Variants in OSBP2 observed in about 807,000 individuals in gnomAD.
OSBP2 encodes oxysterol binding protein 2, also known as oxysterol-binding protein 2.
A neutral mutation model predicts 96.0 loss-of-function variants in OSBP2; 66 were observed. The observed-to-expected ratio is 0.69, with a 90% confidence interval of 0.56 to 0.84. The LOEUF (loss-of-function observed/expected upper bound fraction) is 0.84, where lower values mean the gene tolerates loss of function less well. Ranked by LOEUF, OSBP2 falls within the 40% of genes least tolerant of loss-of-function variation. The pLI is 0.00. For synonymous variants in OSBP2, 525 were observed against 520.9 expected, an observed-to-expected ratio of 1.01 and a Z score of -0.11; for missense variants, 1,038 against 1,222.7, an observed-to-expected ratio of 0.85 and a Z score of 2.25.
chr22:30,707,157 C>T (rs1452420049), intron 1 of OSBP2, among the ~76,000 whole-genome samples: 1 of 151,906 alleles, frequency 6.6e-6, no homozygotes, highest in Admixed American at 6.6e-5. Context: ...AGTGCAGTGG[C>T]GTGATCTCAG....
intron 3 of OSBP2, among the ~76,000 whole-genome samples, chr22:30,884,447 G>GCAC (rs2039767268): frequency 6.6e-6 from 1 of 152,184 alleles, no homozygotes; most frequent in African/African-American, 2.4e-5. Flanking sequence ...TCCTGATAGT[G>GCAC]CACCCCTGGC....
At chr22:30,736,864 C>A (rs952082474) in intron 1 of OSBP2, among the ~76,000 whole-genome samples, 31 of 152,068 alleles carry the variant, frequency 2.0e-4, no homozygotes, top group African/African-American at 4.8e-4. Context: ...AATATCTGTC[C>A]TCTTTCCCCC....
intron 2 of OSBP2, among the ~76,000 whole-genome samples, chr22:30,847,704 G>A (rs186839459): frequency 6.6e-6 from 1 of 152,094 alleles, no homozygotes; most frequent in East Asian, 1.9e-4. Context: ...TTATGAGTGA[G>A]TTTTGGTATG....
At chr22:30,873,606 C>A (rs1602394667) in intron 3 of OSBP2, among the ~76,000 whole-genome samples, 2 of 152,222 alleles carry the variant, frequency 1.3e-5, no homozygotes, top group Admixed American at 1.3e-4. Flanking sequence ...CACTCCCCAG[C>A]CCCATCCTGA....
chr22:30,778,303 GCACACACA>G (rs34574171), intron 2 of OSBP2, among the ~76,000 whole-genome samples: 62 of 146,630 alleles, frequency 4.2e-4, no homozygotes, highest in African/African-American at 1.5e-3. Context: ...GTGTGCATGT[GCACACACA>G]CACACACACA....
chr22:30,818,149 C>T (rs1323907754), intron 2 of OSBP2, among the ~76,000 whole-genome samples: 1 of 152,182 alleles, frequency 6.6e-6, no homozygotes, highest in African/African-American at 2.4e-5. Context: ...CTGCTCATCT[C>T]GGCCTCCCAA....
chr22:30,802,526 G>A (rs1379866063), intron 2 of OSBP2, among the ~76,000 whole-genome samples: 2 of 152,240 alleles, frequency 1.3e-5, no homozygotes, highest in African/African-American at 2.4e-5. Context: ...AGCCTCGATT[G>A]GGGCGCGATA....
At chr22:30,832,830 C>T (rs553285451) in intron 2 of OSBP2, among the ~76,000 whole-genome samples, 21 of 152,242 alleles carry the variant, frequency 1.4e-4, no homozygotes, top group African/African-American at 4.6e-4. Flanking sequence ...TGGGCAGTGG[C>T]GCACTGCAGG....
intron 12 of OSBP2, among the ~76,000 whole-genome samples, chr22:30,905,511 G>C (rs2040311679): frequency 6.6e-6 from 1 of 151,420 alleles, no homozygotes; most frequent in South Asian, 2.1e-4. Flanking sequence ...CAAAAAAGAA[G>C]AAGAAAAAAA....
At chr22:30,734,911 G>A (rs1054986814) in intron 1 of OSBP2, among the ~76,000 whole-genome samples, 1 of 152,160 alleles carries the variant, frequency 6.6e-6, no homozygotes, top group African/African-American at 2.4e-5. Context: ...AAGAGGCTGG[G>A]TGTGGTTGGT....
chr22:30,711,397 C>G (rs538608122), intron 1 of OSBP2, among the ~76,000 whole-genome samples: 1 of 151,638 alleles, frequency 6.6e-6, no homozygotes, highest in Admixed American at 6.6e-5. Flanking sequence ...TGTGTTTGTT[C>G]TCTTTAAAGA....
intron 3 of OSBP2, among the ~76,000 whole-genome samples, chr22:30,886,316 G>A (rs760152185): frequency 2.0e-5 from 3 of 152,324 alleles, no homozygotes; most frequent in Admixed American, 6.5e-5. Flanking sequence ...GTTGGCACTT[G>A]GTTGAGTTGT....
At chr22:30,700,543 A>G (rs1395551352) in intron 1 of OSBP2, among the ~76,000 whole-genome samples, 1 of 152,166 alleles carries the variant, frequency 6.6e-6, no homozygotes, top group Non-Finnish European at 1.5e-5. Flanking sequence ...AGTTTTATCT[A>G]TATTAATGAC....
At chr22:30,724,470 C>T (rs1371446527) in intron 1 of OSBP2, among the ~76,000 whole-genome samples, 1 of 152,204 alleles carries the variant, frequency 6.6e-6, no homozygotes, top group Admixed American at 6.5e-5. Flanking sequence ...ATCCACCCAC[C>T]TTGGCCTCCC....
intron 2 of OSBP2, chr22:30,803,136 C>A: frequency 5.2e-6 from 1 of 190,556 alleles, no homozygotes; most frequent in Non-Finnish European, 1.0e-5. Context: ...CTCGCAGCCT[C>A]GGGGCAGGAC....
rs1265710728 is a variant in OSBP2, at chr22:30,761,346, T to G, written c.853+19977T>G. 2.0e-5 allele frequency among the ~76,000 whole-genome samples: 3 copies of G among 152,160 alleles called. 1 individual carries two copies. Among genetic ancestry groups the G allele is most frequent in the Admixed American group, 2.0e-4 (3 of 15,256 alleles). On this transcript the variant is annotated intron_variant, in intron 2 of 13. Coordinates refer to ENST00000332585, the MANE Select transcript of OSBP2 (RefSeq NM_030758.4). Reference sequence around the variant, plus strand: ...GTAACAAAAAATTTTTAAAAATCACTTACAATGACCCCATGAAATACTTAG... The same window carrying G: ...GTAACAAAAAATTTTTAAAAATCACGTACAATGACCCCATGAAATACTTAG...
At chr22:30,801,035 G>A (rs912123137) in intron 2 of OSBP2, among the ~76,000 whole-genome samples, 5 of 152,248 alleles carry the variant, frequency 3.3e-5, no homozygotes, top group Non-Finnish European at 5.9e-5. Flanking sequence ...GACTATTAAC[G>A]GAGTTAAATT....
At position 30,870,675 on chromosome 22, in the gene OSBP2, T is replaced by C. The variant is rs1457640428; in HGVS notation, c.1100T>C (p.Met367Thr). The C allele has an allele frequency of 3.1e-6, 5 of 1,613,010 alleles. No homozygotes were observed. The highest frequency in any genetic ancestry group is 4.2e-6 in the Non-Finnish European group (5 of 1,179,682). ...CTCTTCCGCATCACATCCAATGCTATGATCAACGTGAGTACCCACCCCCAC... is the reference window on the plus strand; with the variant it reads ...CTCTTCCGCATCACATCCAATGCTACGATCAACGTGAGTACCCACCCCCAC... ...ATLFRITSNAMINACRDFLEL... is the reference protein window; with the variant it reads ...ATLFRITSNATINACRDFLEL... The change falls in exon 3 of 14, where the codon ATG becomes ACG. Residue 367 changes from methionine to threonine, a missense_variant. By Grantham distance (81) the Met-to-Thr change is moderately conservative. This residue lies in a region of OSBP2 where 737 missense variants were observed against 913.3 expected (regional missense o/e 0.81). Coordinates refer to ENST00000332585, the MANE Select transcript of OSBP2 (RefSeq NM_030758.4). The surrounding 1 kb of genome is among the most constrained non-coding windows in gnomAD (Gnocchi z 4.1).
chr22:30,740,003 G>A (rs1038705768), intron 1 of OSBP2, among the ~76,000 whole-genome samples: 4 of 152,024 alleles, frequency 2.6e-5, no homozygotes, highest in Non-Finnish European at 2.9e-5. Context: ...GAGCCACCAC[G>A]CCCAGCTAAT....
Sources: allele counts gnomAD v4.1 joint callset (sites outside exome capture counted in the v4.1 genomes callset), GRCh38; gene constraint gnomAD v4.1.1; regional missense constraint gnomAD v4.1.1; non-coding constraint Gnocchi (gnomAD v3.1); transcripts MANE v1.5; gene names NCBI Gene and HGNC (gene_info 2026-07-23, HGNC 2026-07-21).